DET1: variants seen among roughly 807,000 people sequenced by gnomAD.
DET1 encodes DET1 partner of COP1 E3 ubiquitin ligase, also known as DET1 homolog.
DET1 carries 22 observed loss-of-function variants against 43.7 expected under a neutral mutation model. That is an observed-to-expected ratio of 0.50 (90% CI 0.36 to 0.72). DET1 has a LOEUF of 0.72. DET1 is among the 30% of genes least tolerant of loss of function. The pLI is 0.00. For missense variants in DET1, 713 were observed against 713.3 expected, an observed-to-expected ratio of 1.00 and a Z score of 0.00; for synonymous variants, 315 against 266.2, an observed-to-expected ratio of 1.18 and a Z score of -1.79.
chr15:88,514,028 T>C (rs992342630), intron 4 of DET1, among the ~76,000 whole-genome samples: 20 of 149,870 alleles, frequency 1.3e-4, no homozygotes, highest in African/African-American at 4.8e-4. Flanking sequence ...CTCGATCTCC[T>C]GACCTCGTGA....
At chr15:88,505,137 CAA>C (rs1449459995) in intron 7 of DET1, 1 of 152,202 alleles carries the variant, frequency 6.6e-6, no homozygotes, top group Non-Finnish European at 1.5e-5. Flanking sequence ...AGCTCCTGTT[CAA>C]AGTCAGCAGG....
At chr15:88,545,880 T>C (rs536173661) in intron 1 of DET1, among the ~76,000 whole-genome samples, 1 of 150,596 alleles carries the variant, frequency 6.6e-6, no homozygotes, top group Non-Finnish European at 1.5e-5. Context: ...TGCAATTAAC[T>C]GATAAGATAC....
intron 1 of DET1, among the ~76,000 whole-genome samples, chr15:88,540,769 A>T: frequency 7.0e-6 from 1 of 143,276 alleles, no homozygotes; most frequent in Non-Finnish European, 1.5e-5. Flanking sequence ...TTTGTTAAAC[A>T]GATGCTTGAG....
rs1598318317 is a variant in DET1, at chr15:88,516,860, T to G, written c.1385A>C (p.Asp462Ala). The G allele has an allele frequency of 6.2e-7, 1 of 1,610,804 alleles. No individual in the cohort carries two copies. The highest frequency in any genetic ancestry group is 1.3e-5 in the African/African-American group (1 of 74,770). ...GTCATCATAACTGAAGAGAGACAAATCCAGATAGGGGCTACCGCTGTAAGA... is the reference window on the plus strand; with the variant it reads ...GTCATCATAACTGAAGAGAGACAAAGCCAGATAGGGGCTACCGCTGTAAGA... Reference protein sequence around the residue: ...AQSYSGSPYLDLSLFSYDDKW... With the variant: ...AQSYSGSPYLALSLFSYDDKW... The change falls in exon 4 of 5, where the codon GAT (aspartate) becomes GCT (alanine). Residue 462 changes from aspartate to alanine, a missense_variant. Transcript: ENST00000268148. This position sits in a 1 kb window ranked among gnomAD's most constrained non-coding sequence, Gnocchi z 4.4.
At chr15:88,544,121 G>T (rs924173722) in intron 1 of DET1, among the ~76,000 whole-genome samples, 1 of 152,136 alleles carries the variant, frequency 6.6e-6, no homozygotes, top group Non-Finnish European at 1.5e-5. Context: ...GCCTGCTGCC[G>T]CAGGGTGATA....
chr15:88,527,324 G>A (rs1376563921), intron 3 of DET1, among the ~76,000 whole-genome samples: 1 of 152,188 alleles, frequency 6.6e-6, no homozygotes, highest in Non-Finnish European at 1.5e-5. Context: ...ATAAGTGCTT[G>A]ACAGTGTACC....
Position 88,513,043 on chromosome 15 carries a change from T to C in DET1, c.1561A>G (p.Thr521Ala). The C allele has an allele frequency of 6.2e-7, 1 of 1,614,018 alleles. No individual in the cohort carries two copies. Among genetic ancestry groups the C allele is most frequent in the Non-Finnish European group, 8.5e-7 (1 of 1,179,898 alleles). Residue 521 changes from threonine (T) to alanine (A), a missense_variant, in exon 5 of 5, where the codon ACC (threonine) becomes GCC (alanine). Coordinates refer to ENST00000268148, the MANE Select transcript of DET1 (RefSeq NM_001144074.3). Reference protein sequence around the residue: ...NHTVRRLVAFTFHPFEPFAIS... With the variant: ...NHTVRRLVAFAFHPFEPFAIS... Reference sequence around the variant, plus strand: ...GCGAAAGGCTCAAAAGGGTGAAAGGTGAAGGCAACAAGGCGTCGCACTGTG... The same window carrying C: ...GCGAAAGGCTCAAAAGGGTGAAAGGCGAAGGCAACAAGGCGTCGCACTGTG...
chr15:88,521,098 A>C (rs1338106046), intron 3 of DET1, among the ~76,000 whole-genome samples: 1 of 152,004 alleles, frequency 6.6e-6, no homozygotes, highest in African/African-American at 2.4e-5. Flanking sequence ...CCCCACCCCA[A>C]ATCAGGTCTC....
At chr15:88,541,928 C>A (rs370243143) in intron 1 of DET1, among the ~76,000 whole-genome samples, 72 of 152,302 alleles carry the variant, frequency 4.7e-4, no homozygotes, top group African/African-American at 1.6e-3. Flanking sequence ...CGGCTGTGAC[C>A]GCGCTGGGAG....
intron 4 of DET1, among the ~76,000 whole-genome samples, chr15:88,515,429 C>T (rs996442588): frequency 2.0e-5 from 3 of 148,444 alleles, no homozygotes; most frequent in Non-Finnish European, 4.5e-5. Context: ...ATCCCAGCTA[C>T]TTGGGAAGCT....
At chr15:88,524,509 C>G (rs1160537846) in intron 3 of DET1, among the ~76,000 whole-genome samples, 1 of 152,124 alleles carries the variant, frequency 6.6e-6, no homozygotes, top group African/African-American at 2.4e-5. Context: ...GCGGTTTTGT[C>G]GAATAGAAAA....
intron 3 of DET1, among the ~76,000 whole-genome samples, chr15:88,526,891 C>G (rs559800215): frequency 1.3e-5 from 2 of 152,254 alleles, no homozygotes; most frequent in South Asian, 2.1e-4. Context: ...ACCAATCCTC[C>G]TCATTTCAGC....
Position 88,512,745 on chromosome 15 carries a change from A to G in DET1, c.*206T>C. Reference sequence around the variant, plus strand: ...CACAGGGAAAACGCAAGAGGATATTATAACAATCAGTAGCAGTATTGTATA... The same window carrying G: ...CACAGGGAAAACGCAAGAGGATATTGTAACAATCAGTAGCAGTATTGTATA... On this transcript the variant is annotated 3_prime_UTR_variant, in exon 5 of 5. Transcript: ENST00000268148. 2.3e-6 allele frequency: 3 copies of G among 1,299,994 alleles called. No individual in the cohort carries two copies. The highest frequency in any genetic ancestry group is 2.9e-6 in the Non-Finnish European group (3 of 1,026,774). The allele number at this position is 1,299,994 out of a possible 1,614,324, so 80.5% of individuals were successfully genotyped here.
rs962311970 is a variant in DET1 at position 88,512,774 on chromosome 15, T to C, written c.*177A>G. The C allele has an allele frequency of 3.6e-6, 5 of 1,387,530 alleles. No homozygotes were observed. The highest frequency in any genetic ancestry group is 4.7e-6 in the Non-Finnish European group (5 of 1,072,638). The allele number at this position is 1,387,530 out of a possible 1,614,324, so 86.0% of individuals were successfully genotyped here. On this transcript the variant is annotated 3_prime_UTR_variant, in exon 5 of 5. Transcript: ENST00000268148. ...CAATCAGTAGCAGTATTGTATACAATTTAAAAATTCCATTAGGTTGAGCCA... is the reference window on the plus strand; with the variant it reads ...CAATCAGTAGCAGTATTGTATACAACTTAAAAATTCCATTAGGTTGAGCCA...
At chr15:88,526,656 A>C (rs1488163535) in intron 3 of DET1, among the ~76,000 whole-genome samples, 1 of 152,194 alleles carries the variant, frequency 6.6e-6, no homozygotes, top group African/African-American at 2.4e-5. Context: ...TAGGACTCCT[A>C]CCCTTCAGTA....
intron 1 of DET1, among the ~76,000 whole-genome samples, chr15:88,535,339 G>GA (rs1408319226): frequency 9.5e-5 from 14 of 147,980 alleles, no homozygotes; most frequent in Non-Finnish European, 1.5e-5. Context: ...ACAAAAGAGG[G>GA]AAAAAATAAA....
intron 3 of DET1, among the ~76,000 whole-genome samples, chr15:88,518,591 T>C (rs2142269171): frequency 6.6e-6 from 1 of 152,336 alleles, no homozygotes; most frequent in East Asian, 1.9e-4. Flanking sequence ...TCCTTATTTT[T>C]CACTATCCTA....
chr15:88,523,124 C>G (rs1169223720), intron 3 of DET1, among the ~76,000 whole-genome samples: 2 of 152,012 alleles, frequency 1.3e-5, no homozygotes, highest in Admixed American at 6.6e-5. Flanking sequence ...GATCAGTCCA[C>G]GCCAACCTCC....
chr15:88,546,435 G>C (rs2057258116), intron 1 of DET1, 105 bp downstream of exon 1: 1 of 152,370 alleles, frequency 6.6e-6, no homozygotes, highest in African/African-American at 2.4e-5. Flanking sequence ...TGCTGAGGGA[G>C]GGCGGGGGCC....
Sources: allele counts gnomAD v4.1 joint callset (sites outside exome capture counted in the v4.1 genomes callset), GRCh38; gene constraint gnomAD v4.1.1; non-coding constraint Gnocchi (gnomAD v3.1); transcripts MANE v1.5; gene names NCBI Gene and HGNC (gene_info 2026-07-23, HGNC 2026-07-21).